Variants in RUNX1 observed in about 807,000 individuals in gnomAD.
The protein encoded by RUNX1 is runt-related transcription factor 1.
Under a neutral mutation model 42.8 loss-of-function variants are expected in RUNX1, and 19 were observed. The ratio of observed to expected loss-of-function variants is 0.44; its 90% CI spans 0.31 to 0.65. The LOEUF is 0.65. RUNX1 is among the 30% of genes least tolerant of loss of function. The pLI is 0.07. For missense variants in RUNX1, 528 were observed against 672.0 expected, an observed-to-expected ratio of 0.79 and a Z score of 2.37; for synonymous variants, 271 against 289.4, an observed-to-expected ratio of 0.94 and a Z score of 0.64.
chr21:34,953,891 G>C (rs1382190826), intron 2 of RUNX1, among the ~76,000 whole-genome samples: 1 of 152,196 alleles, frequency 6.6e-6, no homozygotes, highest in East Asian at 1.9e-4. Flanking sequence ...TTGGATGGAG[G>C]AAGATAAGAA....
intron 2 of RUNX1, among the ~76,000 whole-genome samples, chr21:34,979,885 C>G (rs1601631228): frequency 6.6e-6 from 1 of 152,080 alleles, no homozygotes; most frequent in East Asian, 1.9e-4. Flanking sequence ...GTGAGGAGTG[C>G]TGGGTCTGCC....
At chr21:34,808,435 G>A (rs1247158730) in intron 7 of RUNX1, among the ~76,000 whole-genome samples, 3 of 152,148 alleles carry the variant, frequency 2.0e-5, no homozygotes, top group Non-Finnish European at 2.9e-5. Context: ...TCCGGGACCC[G>A]TATTCATCAC....
chr21:34,914,290 T>C (rs571150795), intron 2 of RUNX1, among the ~76,000 whole-genome samples: 1 of 152,284 alleles, frequency 6.6e-6, no homozygotes, highest in African/African-American at 2.4e-5. Flanking sequence ...CAGACACTAT[T>C]AATGGGGACG....
In RUNX1 at chr21:34,887,260, G is replaced by C; in HGVS notation, c.98-164C>G. On this transcript the variant is annotated intron_variant, in intron 3 of 8. Transcript: ENST00000675419. ...CGGGGGGTGGGGGGGGGCGGGGGTG[G>C]TTAGGGGAGGAGGGAGACTAAGTTA... 2.6e-6 allele frequency: 2 copies of C among 771,782 alleles called. 1 individual carries two copies. The highest frequency in any genetic ancestry group is 3.2e-6 in the Non-Finnish European group (2 of 631,364). The allele number at this position is 771,782 out of a possible 1,614,324, so 47.8% of individuals were successfully genotyped here.
chr21:34,888,249 G>A (rs2058026625), intron 3 of RUNX1: 2 of 1,067,022 alleles, frequency 1.9e-6, no homozygotes, highest in East Asian at 9.9e-5. Flanking sequence ...CGTAACCGCA[G>A]CAGGTGGAGC....
intron 7 of RUNX1, among the ~76,000 whole-genome samples, chr21:34,823,220 G>A (rs975357148): frequency 6.6e-6 from 1 of 152,178 alleles, no homozygotes; most frequent in Admixed American, 6.5e-5. Context: ...TCTTCCCTAG[G>A]GATGCTTTGC....
chr21:34,850,699 T>G (rs1185936814), intron 6 of RUNX1, among the ~76,000 whole-genome samples: 2 of 152,142 alleles, frequency 1.3e-5, no homozygotes, highest in Non-Finnish European at 2.9e-5. Flanking sequence ...CCAGAGTGTT[T>G]CCAGGGCCCA....
intron 6 of RUNX1, among the ~76,000 whole-genome samples, chr21:34,849,312 T>TAG (rs1569051937): frequency 2.8e-5 from 1 of 36,242 alleles, no homozygotes; most frequent in South Asian, 7.2e-4. Context: ...ATAATATATA[T>TAG]TATATATATA....
At chr21:34,930,270 G>GTGTATGTGTATATATATATATATATA (rs372412304) in intron 2 of RUNX1, among the ~76,000 whole-genome samples, 2 of 122,986 alleles carry the variant, frequency 1.6e-5, no homozygotes, top group African/African-American at 7.5e-5. Flanking sequence ...GTGTGTGTAT[G>GTGTATGTGTATATATATATATATATA]TATATATATA....
intron 2 of RUNX1, among the ~76,000 whole-genome samples, chr21:34,904,690 T>C (rs1190225324): frequency 2.0e-5 from 3 of 152,204 alleles, no homozygotes; most frequent in South Asian, 2.1e-4. Flanking sequence ...GAATTTAAAA[T>C]GTATTATTGG....
chr21:34,796,712 GTA>G (rs2056532903), intron 8 of RUNX1, among the ~76,000 whole-genome samples: 1 of 152,142 alleles, frequency 6.6e-6, no homozygotes, highest in African/African-American at 2.4e-5. Context: ...ACCTGAGCAG[GTA>G]ATGGCTGCCT....
chr21:34,834,630 ATGGGG>A, intron 6 of RUNX1, 29 bp from the exon 7 acceptor site: 4 of 806,644 alleles, frequency 5.0e-6, no homozygotes, highest in Non-Finnish European at 8.3e-6. Flanking sequence ...AGGGGAGGGG[ATGGGG>A]GGAGGGAAGG....
intron 6 of RUNX1, among the ~76,000 whole-genome samples, chr21:34,847,485 T>A (rs1244315814): frequency 6.6e-6 from 1 of 152,010 alleles, no homozygotes. Context: ...AATAATAGAT[T>A]TTCTATTTTT....
At chr21:34,844,450 C>T (rs954394348) in intron 6 of RUNX1, among the ~76,000 whole-genome samples, 1 of 152,190 alleles carries the variant, frequency 6.6e-6, no homozygotes, top group Non-Finnish European at 1.5e-5. Flanking sequence ...CTGCAGGAAT[C>T]TCAGTTCCCC....
chr21:34,934,228 A>C (rs2058468894), intron 2 of RUNX1, among the ~76,000 whole-genome samples: 1 of 151,286 alleles, frequency 6.6e-6, no homozygotes, highest in South Asian at 2.1e-4. Context: ...CTGTTGCCCC[A>C]CCCCAAAAAG....
chr21:34,977,242 C>T (rs912853888), intron 2 of RUNX1, among the ~76,000 whole-genome samples: 3 of 152,066 alleles, frequency 2.0e-5, no homozygotes, highest in African/African-American at 7.2e-5. Context: ...TGTTGAATTC[C>T]CCACTGTACC....
At chr21:34,889,371 G>A (rs1351915494) in intron 3 of RUNX1, among the ~76,000 whole-genome samples, 1 of 152,046 alleles carries the variant, frequency 6.6e-6, no homozygotes, top group East Asian at 1.9e-4. Flanking sequence ...CCCTTGGGTC[G>A]GTTTCTGTAA....
At chr21:34,918,426 C>A (rs1569104179) in intron 2 of RUNX1, among the ~76,000 whole-genome samples, 1 of 152,124 alleles carries the variant, frequency 6.6e-6, no homozygotes, top group Non-Finnish European at 1.5e-5. Context: ...GTCATCCCCC[C>A]TTGCAAGGGT....
intron 4 of RUNX1, among the ~76,000 whole-genome samples, chr21:34,882,768 C>T (rs557437317): frequency 6.6e-6 from 1 of 151,710 alleles, no homozygotes; most frequent in Admixed American, 6.6e-5. Flanking sequence ...AAATTTTCCC[C>T]TTTTTTTCAT....
Sources: allele counts gnomAD v4.1 joint callset (sites outside exome capture counted in the v4.1 genomes callset), GRCh38; gene constraint gnomAD v4.1.1; transcripts MANE v1.5; gene names NCBI Gene and HGNC (gene_info 2026-07-23, HGNC 2026-07-21).